Variants in AUH observed in about 807,000 individuals in gnomAD.
AUH encodes the protein AU RNA binding methylglutaconyl-CoA hydratase.
Under a neutral mutation model 42.3 loss-of-function variants are expected in AUH, and 29 were observed. The observed-to-expected ratio is 0.69, with a 90% CI of 0.51 to 0.93. The LOEUF is 0.93. Ranked by LOEUF, AUH falls within the 40% of genes least tolerant of loss-of-function variation. The pLI is 0.00. For missense variants in AUH, 452 were observed against 438.1 expected (o/e 1.03, Z -0.28); for synonymous variants, 174 against 166.4 (o/e 1.05, Z -0.35).
intron 4 of AUH, among the ~76,000 whole-genome samples, chr9:91,319,379 G>C (rs1279667824): frequency 6.6e-6 from 1 of 152,134 alleles, no homozygotes; most frequent in Non-Finnish European, 1.5e-5. Flanking sequence ...AATCAGACAC[G>C]AGCAGAGTTG....
intron 4 of AUH, among the ~76,000 whole-genome samples, chr9:91,315,214 C>T (rs889955906): frequency 1.3e-5 from 2 of 152,220 alleles, no homozygotes; most frequent in African/African-American, 4.8e-5. Context: ...GGTGGGATTA[C>T]AGGCATGAGC....
At chr9:91,268,333 T>A (rs981334926) in intron 6 of AUH, among the ~76,000 whole-genome samples, 1 of 152,082 alleles carries the variant, frequency 6.6e-6, no homozygotes, top group African/African-American at 2.4e-5. Context: ...CCAACATAAC[T>A]CATATCTATG....
chr9:91,332,332 A>C (rs1011566500), intron 3 of AUH, among the ~76,000 whole-genome samples: 1 of 151,878 alleles, frequency 6.6e-6, no homozygotes, highest in African/African-American at 2.4e-5. Flanking sequence ...CGACACCCCG[A>C]CTCTACTAAA....
intron 1 of AUH, among the ~76,000 whole-genome samples, chr9:91,356,814 T>C (rs1832448531): frequency 6.6e-6 from 1 of 152,228 alleles, no homozygotes; most frequent in Non-Finnish European, 1.5e-5. Context: ...TAAAATCCTT[T>C]CATTATTTAT....
chr9:91,359,242 C>T (rs1832669456), intron 1 of AUH, among the ~76,000 whole-genome samples: 2 of 152,150 alleles, frequency 1.3e-5, no homozygotes, highest in African/African-American at 2.4e-5. Flanking sequence ...TGAAAAAATA[C>T]ACTCAAAGTG....
chr9:91,256,975 A>T (rs1335559797), intron 6 of AUH, among the ~76,000 whole-genome samples: 4 of 151,950 alleles, frequency 2.6e-5, no homozygotes, highest in African/African-American at 4.8e-5. Context: ...AATATCCCAA[A>T]CTTGTAGGTA....
At chr9:91,244,672 T>A (rs998956659) in intron 6 of AUH, among the ~76,000 whole-genome samples, 1 of 152,176 alleles carries the variant, frequency 6.6e-6, no homozygotes, top group Non-Finnish European at 1.5e-5. Flanking sequence ...TCCTGAGGGT[T>A]CTAAACCCAC....
Position 91,299,175 on chromosome 9 carries a change from T to G in AUH, c.506-1099A>C, listed in dbSNP as rs370513327. Among the ~76,000 whole-genome samples the G allele has an allele frequency of 5.3e-5, 8 of 152,228 alleles. No homozygotes were observed. The East Asian group carries it at 1.5e-3, about 29-fold the overall frequency. ...CAGAGATTGCAGTGAGCCAAGATCG[T>G]GCCATTGCACTCCAGCCTGGGTGAC... is the stretch of plus-strand genomic sequence containing the variant. On this transcript the variant is annotated intron_variant, in intron 4 of 9. Coordinates refer to ENST00000375731, the MANE Select transcript of AUH (RefSeq NM_001698.3).
At chr9:91,239,159 T>TTA (rs929490464) in intron 6 of AUH, among the ~76,000 whole-genome samples, 15 of 151,188 alleles carry the variant, frequency 9.9e-5, no homozygotes, top group African/African-American at 3.6e-4. Flanking sequence ...TTGTTCTGTT[T>TTA]TTTTTTTTTA....
chr9:91,276,965 G>A lies in AUH; in HGVS notation c.655+19056C>T, dbSNP rs546815622. 8.5e-5 allele frequency among the ~76,000 whole-genome samples: 13 copies of A among 152,240 alleles called. No individual in the cohort carries two copies. The East Asian group carries it at 1.2e-3, about 14-fold the overall frequency. ...TTTGGGAAGCTGAGGTGGGAAAATCGTTTGAGCCCAGGAGCTCAAGACCAG... is the reference window on the plus strand; with the variant it reads ...TTTGGGAAGCTGAGGTGGGAAAATCATTTGAGCCCAGGAGCTCAAGACCAG... On this transcript the variant is annotated intron_variant, in intron 6 of 9. Transcript: ENST00000375731.
At chr9:91,259,614 A>C (rs543391125) in intron 6 of AUH, among the ~76,000 whole-genome samples, 9 of 152,184 alleles carry the variant, frequency 5.9e-5, no homozygotes, top group Non-Finnish European at 1.3e-4. Context: ...TACATCCCAC[A>C]AAATTTAATG....
At position 91,299,227 on chromosome 9, in the gene AUH, C is replaced by T. The variant is rs141473828; in HGVS notation, c.506-1151G>A. Reference sequence around the variant, plus strand: ...GAGTGAGACTGTCTCAAAAAACAAACAAACAAACAAAAACAATAAAAAGGT... The same window carrying T: ...GAGTGAGACTGTCTCAAAAAACAAATAAACAAACAAAAACAATAAAAAGGT... On this transcript the variant is annotated intron_variant, in intron 4 of 9. Coordinates refer to ENST00000375731, the MANE Select transcript of AUH (RefSeq NM_001698.3). Among the ~76,000 whole-genome samples, 660 of 152,172 alleles carry T rather than the reference C, an allele frequency of 4.3e-3. 8 individuals are homozygous for T. Among genetic ancestry groups the T allele is most frequent in the African/African-American group, 0.015 (643 of 41,518 alleles).
chr9:91,328,249 C>T (rs1192280100), intron 3 of AUH, among the ~76,000 whole-genome samples: 1 of 152,154 alleles, frequency 6.6e-6, no homozygotes, highest in Non-Finnish European at 1.5e-5. Flanking sequence ...CTTAGAGGTT[C>T]GTTCCCATCA....
At chr9:91,264,405 C>G (rs911624067) in intron 6 of AUH, among the ~76,000 whole-genome samples, 1 of 152,018 alleles carries the variant, frequency 6.6e-6, no homozygotes, top group African/African-American at 2.4e-5. Context: ...AGATGTTATC[C>G]CCAAGTTGTC....
chr9:91,218,285 C>A (rs1465926343), intron 7 of AUH, among the ~76,000 whole-genome samples: 1 of 152,206 alleles, frequency 6.6e-6, no homozygotes, highest in Non-Finnish European at 1.5e-5. Context: ...ATTTCCAAGG[C>A]TATAGTTGTT....
intron 4 of AUH, among the ~76,000 whole-genome samples, chr9:91,303,331 C>A (rs1001090348): frequency 6.6e-6 from 1 of 151,966 alleles, no homozygotes; most frequent in Non-Finnish European, 1.5e-5. Flanking sequence ...GTGTCAGACG[C>A]ATGATTTTTT....
chr9:91,286,143 A>T (rs1826387545), intron 6 of AUH, among the ~76,000 whole-genome samples: 1 of 152,206 alleles, frequency 6.6e-6, no homozygotes, highest in South Asian at 2.1e-4. Context: ...GAATAAGCTC[A>T]GATTCTGACG....
At chr9:91,249,826 A>G (rs1183828673) in intron 6 of AUH, among the ~76,000 whole-genome samples, 2 of 152,100 alleles carry the variant, frequency 1.3e-5, no homozygotes, top group African/African-American at 4.8e-5. Context: ...CCTTGCCAAC[A>G]TGGTGAAACC....
chr9:91,286,781 G>A (rs545780436), intron 6 of AUH, among the ~76,000 whole-genome samples: 1 of 150,334 alleles, frequency 6.7e-6, no homozygotes, highest in Admixed American at 6.6e-5. Context: ...ACTACCTATC[G>A]TGTTTGTATG....
Sources: gnomAD v4.1 joint callset for allele counts (sites outside exome capture counted in the v4.1 genomes callset) on GRCh38, gnomAD v4.1.1 for gene constraint, MANE v1.5 for transcripts, NCBI Gene and HGNC (gene_info 2026-07-23, HGNC 2026-07-21) for gene names.